The following DGKH variants were observed in gnomAD, a reference collection of about 807,000 sequenced individuals.
DGKH encodes DAG kinase eta.
In DGKH, 90 loss-of-function variants were observed where a neutral mutation model predicts 159.3. The ratio of observed to expected loss-of-function variants is 0.57; its 90% CI spans 0.48 to 0.67. The LOEUF is 0.67. Ranked by LOEUF, DGKH falls within the 30% of genes least tolerant of loss-of-function variation. The pLI is 0.00. For synonymous variants in DGKH, 536 were observed against 553.8 expected (o/e 0.97, Z 0.45); for missense variants, 1,181 against 1,506.1 (o/e 0.78, Z 3.57).
intron 1 of DGKH, chr13:42,071,016 C>G: frequency 7.8e-7 from 1 of 1,290,024 alleles, no homozygotes; most frequent in Non-Finnish European, 1.1e-6. Context: ...CTCCACAACC[C>G]AGTGGTTTTA....
intron 3 of DGKH, among the ~76,000 whole-genome samples, chr13:42,144,277 G>C (rs1408505047): frequency 3.9e-5 from 6 of 152,118 alleles, no homozygotes; most frequent in African/African-American, 1.4e-4. Flanking sequence ...AAACTCTCTG[G>C]AAAATCCCAG....
chr13:42,244,641 A>G (rs1360903048), downstream of DGKH, among the ~76,000 whole-genome samples: 3 of 152,156 alleles, frequency 2.0e-5, no homozygotes, highest in Non-Finnish European at 4.4e-5. Flanking sequence ...GCGGTGGCTC[A>G]CGCCTGTAAT....
At chr13:42,195,149 A>G (rs767114934) in intron 17 of DGKH, 133 bp downstream of exon 17, 84 of 1,229,454 alleles carry the variant, frequency 6.8e-5, no homozygotes, top group Non-Finnish European at 8.1e-5. Flanking sequence ...TTATACTTTC[A>G]GTCAGAATCC....
chr13:42,129,664 A>G (rs769490609), intron 3 of DGKH, 32 bp downstream of exon 3: 1 of 1,580,092 alleles, frequency 6.3e-7, no homozygotes, highest in Non-Finnish European at 8.7e-7. Context: ...TCCCTTCTCA[A>G]AAGTTATAGA....
At chr13:42,086,736 A>G (rs1954309938) in intron 1 of DGKH, among the ~76,000 whole-genome samples, 2 of 152,178 alleles carry the variant, frequency 1.3e-5, no homozygotes, top group Admixed American at 1.3e-4. Context: ...TTAGAGAAAG[A>G]GGGAAAAGCA....
chr13:42,170,295 C>T (rs896474217), intron 11 of DGKH, among the ~76,000 whole-genome samples: 1 of 152,178 alleles, frequency 6.6e-6, no homozygotes, highest in African/African-American at 2.4e-5. Context: ...CGCCTATAAT[C>T]CCAACACTTT....
At chr13:42,060,934 G>T (rs1393017782) in intron 1 of DGKH, among the ~76,000 whole-genome samples, 2 of 152,152 alleles carry the variant, frequency 1.3e-5, no homozygotes, top group African/African-American at 4.8e-5. Context: ...GTTGTCTGGG[G>T]TATATACCCT....
chr13:42,106,083 C>G (rs1954749168), intron 1 of DGKH, among the ~76,000 whole-genome samples: 1 of 151,996 alleles, frequency 6.6e-6, no homozygotes, highest in Non-Finnish European at 1.5e-5. Context: ...TCTTGGCTCA[C>G]TGCAACCTTC....
intron 7 of DGKH, among the ~76,000 whole-genome samples, chr13:42,164,558 A>G (rs1441137534): frequency 6.6e-6 from 1 of 152,264 alleles, no homozygotes; most frequent in East Asian, 1.9e-4. Flanking sequence ...TAAGAACTTG[A>G]TGAAAAGTGT....
At chr13:42,163,752 C>A (rs1956248680) in intron 7 of DGKH, among the ~76,000 whole-genome samples, 2 of 151,146 alleles carry the variant, frequency 1.3e-5, no homozygotes, top group East Asian at 3.9e-4. Context: ...ATTGTAGATT[C>A]TGGATATTAG....
At chr13:42,223,241 C>G (rs1340326858) in intron 29 of DGKH, among the ~76,000 whole-genome samples, 1 of 152,114 alleles carries the variant, frequency 6.6e-6, no homozygotes, top group Non-Finnish European at 1.5e-5. Flanking sequence ...CAGACCGATG[C>G]CTCTAAATGC....
In DGKH at chr13:42,235,775, TCTACAG is replaced by T. The variant is rs1402757357; in HGVS notation, c.*6590_*6595del. 1.3e-5 allele frequency: 2 copies of T among 152,210 alleles called. No individual in the cohort carries two copies. 9.4% of individuals were successfully genotyped at this position (152,210 alleles called of 1,614,324 possible). On this transcript the variant is annotated 3_prime_UTR_variant, in exon 30 of 30. Coordinates refer to ENST00000337343, the MANE Select transcript of DGKH (RefSeq NM_178009.5). ...CTAGTAAATTCAAGTAATATATTTA[TCTACAG>T]CTGGGAAAATATAATTATTTTCAAA...
chr13:42,228,686 AAGAG>A (rs10571520), intron 29 of DGKH, among the ~76,000 whole-genome samples: 2 of 151,018 alleles, frequency 1.3e-5, no homozygotes, highest in Admixed American at 6.6e-5. Flanking sequence ...AGAGAAAAGA[AAGAG>A]AGAGAGATGA....
intron 1 of DGKH, among the ~76,000 whole-genome samples, chr13:42,051,762 C>T (rs1212142708): frequency 3.5e-5 from 5 of 143,290 alleles, no homozygotes; most frequent in South Asian, 2.2e-4. Flanking sequence ...CAGGTTCAAG[C>T]GATTCTCCTG....
At position 42,198,495 on chromosome 13, in the gene DGKH, G is replaced by C. The variant is rs1370152366; in HGVS notation, c.2185G>C (p.Ala729Pro). ...CTTTCCAGGTTTAAGAGCAGGACTG[G>C]CTGCCTCAATTGCTGGGAGTTCGAT... ...IICPGLRAGL[A>P]ASIAGSSIIN... Residue 729 changes from alanine to proline, a missense_variant, in exon 18 of 30, where the codon GCT (alanine) becomes CCT (proline). Ala to Pro is a conservative substitution (Grantham distance 27, BLOSUM62 -1). Around this residue, in one of 5 missense-constraint regions of DGKH, gnomAD observed 257 missense variants for 281.5 expected, o/e 0.91. Coordinates refer to ENST00000337343, the MANE Select transcript of DGKH (RefSeq NM_178009.5). 7 of 1,613,668 alleles carry C rather than the reference G, an allele frequency of 4.3e-6. No homozygotes were observed. The highest frequency in any genetic ancestry group is 5.1e-6 in the Non-Finnish European group (6 of 1,179,762).
upstream of DGKH, among the ~76,000 whole-genome samples, chr13:42,044,721 T>C (rs954511110): frequency 4.6e-5 from 7 of 152,200 alleles, no homozygotes; most frequent in African/African-American, 1.7e-4. Flanking sequence ...GGGAAGTCAT[T>C]GGGCCTAAAG....
At position 42,188,621 on chromosome 13, in the gene DGKH, T is replaced by C. The variant is rs144985791; in HGVS notation, c.1639-415T>C. On this transcript the variant is annotated intron_variant, in intron 14 of 29. Coordinates refer to ENST00000337343, the MANE Select transcript of DGKH (RefSeq NM_178009.5). ...AGCAAATTTTGTGTAATTTTTTATATAAAGCATCCCTTTGTATAAAATGTC... is the reference window on the plus strand; with the variant it reads ...AGCAAATTTTGTGTAATTTTTTATACAAAGCATCCCTTTGTATAAAATGTC... 6.2e-4 allele frequency among the ~76,000 whole-genome samples: 94 copies of C among 152,352 alleles called. 1 individual carries two copies. The highest frequency in any genetic ancestry group is 2.1e-3 in the African/African-American group (86 of 41,584).
At chr13:42,187,213 C>T in intron 14 of DGKH, 65 bp downstream of exon 14, 1 of 1,364,008 alleles carries the variant, frequency 7.3e-7, no homozygotes, top group South Asian at 1.2e-5. Context: ...AACTGTGTTT[C>T]AAAGCTAAAT....
At chr13:42,188,156 T>C (rs564069995) in intron 14 of DGKH, among the ~76,000 whole-genome samples, 1 of 152,358 alleles carries the variant, frequency 6.6e-6, no homozygotes, top group South Asian at 2.1e-4. Context: ...AGAAACCCTT[T>C]CTGGCCATAC....
Sources: gnomAD v4.1 joint callset for allele counts (sites outside exome capture counted in the v4.1 genomes callset) on GRCh38, gnomAD v4.1.1 for gene constraint, gnomAD v4.1.1 regional missense constraint, MANE v1.5 for transcripts, NCBI Gene and HGNC (gene_info 2026-07-23, HGNC 2026-07-21) for gene names.